MAP2K1: variants seen among roughly 807,000 people sequenced by gnomAD.
The protein encoded by MAP2K1 is mitogen-activated protein kinase kinase 1.
MAP2K1 carries 16 observed loss-of-function variants against 46.3 expected under a neutral mutation model. The ratio of observed to expected loss-of-function variants is 0.35; its 90% confidence interval spans 0.23 to 0.52. The LOEUF is 0.52. MAP2K1 is among the 20% of genes least tolerant of loss of function. The pLI is 0.94. For missense variants in MAP2K1, 263 were observed against 497.1 expected (o/e 0.53, Z 4.48); for synonymous variants, 183 against 185.6 (o/e 0.99, Z 0.11).
At chr15:66,446,636 C>T (rs1363974084) in intron 5 of MAP2K1, 1 of 377,384 alleles carries the variant, frequency 2.6e-6, no homozygotes, top group South Asian at 2.2e-5. Context: ...GCTTTGTATA[C>T]ATAAGCACAT....
At chr15:66,469,552 G>T (rs1331094918) in intron 5 of MAP2K1, among the ~76,000 whole-genome samples, 2 of 141,856 alleles carry the variant, frequency 1.4e-5, no homozygotes, top group African/African-American at 5.4e-5. Flanking sequence ...ATGCAGCAGA[G>T]GGTGCAAGAG....
chr15:66,404,700 A>G (rs1325033249), intron 1 of MAP2K1, among the ~76,000 whole-genome samples: 4 of 152,226 alleles, frequency 2.6e-5, no homozygotes, highest in African/African-American at 9.6e-5. Flanking sequence ...ACGTTGAACA[A>G]AGAATCAGCT....
chr15:66,472,531 G>A (rs1402219396), intron 5 of MAP2K1, among the ~76,000 whole-genome samples: 1 of 152,164 alleles, frequency 6.6e-6, no homozygotes. Flanking sequence ...CCGTGGCCAG[G>A]TGACAGGGAG....
chr15:66,437,448 C>G (rs1463484026), intron 3 of MAP2K1, among the ~76,000 whole-genome samples: 1 of 152,214 alleles, frequency 6.6e-6, no homozygotes, highest in African/African-American at 2.4e-5. Context: ...AGATATAAGT[C>G]TTCCAACACA....
chr15:66,413,127 C>A (rs2093415576), intron 1 of MAP2K1, among the ~76,000 whole-genome samples: 1 of 152,122 alleles, frequency 6.6e-6, no homozygotes, highest in Non-Finnish European at 1.5e-5. Context: ...AACTCCTGAC[C>A]TCAGGTGATC....
chr15:66,388,214 G>C lies in MAP2K1; in HGVS notation c.80+787G>C, dbSNP rs186587509. 5.3e-3 allele frequency among the ~76,000 whole-genome samples: 722 copies of C among 135,760 alleles called. 4 individuals are homozygous for C. Among genetic ancestry groups the C allele is most frequent in the South Asian group, 0.035 (159 of 4,568 alleles). The allele number at this position is 135,760 out of a possible 152,430, so 89.1% of individuals were successfully genotyped here. A position where few individuals can be genotyped will look rare whatever the true frequency, so the allele number is the denominator to read the frequency against. ...GCAGCTTCCAGCGTTGCTTACAAAC[G>C]AGCACTTTATTTCATTAAATAATCA... is the stretch of plus-strand genomic sequence containing the variant. On this transcript the variant is annotated intron_variant, in intron 1 of 10. Transcript: ENST00000307102.
At chr15:66,415,132 C>T (rs2093421652) in intron 1 of MAP2K1, 1 of 525,050 alleles carries the variant, frequency 1.9e-6, no homozygotes, top group Admixed American at 1.9e-5. Context: ...CATCAAGCTC[C>T]AGCTTGGCAG....
chr15:66,435,705 A>G lies in MAP2K1; in HGVS notation c.291+468A>G, dbSNP rs144723926. On this transcript the variant is annotated intron_variant, in intron 2 of 10. Transcript: ENST00000307102. ...CACTAATGACTGTGTTAGTGTATTA[A>G]TCCCCATCCCATCTGGAAAATAATA... 2.4e-3 allele frequency among the ~76,000 whole-genome samples: 358 copies of G among 152,306 alleles called. 1 individual carries two copies. The highest frequency in any genetic ancestry group is 0.01 in the Middle Eastern group (3 of 294).
At chr15:66,400,331 C>T (rs1311577702) in intron 1 of MAP2K1, among the ~76,000 whole-genome samples, 1 of 152,100 alleles carries the variant, frequency 6.6e-6, no homozygotes, top group Non-Finnish European at 1.5e-5. Flanking sequence ...GACACTTTCT[C>T]TTTTTTTCTT....
At chr15:66,473,132 C>T (rs2140653568) in intron 5 of MAP2K1, among the ~76,000 whole-genome samples, 1 of 152,272 alleles carries the variant, frequency 6.6e-6, no homozygotes, top group East Asian at 1.9e-4. Context: ...CATATCTGCT[C>T]CTCTGAGGTA....
chr15:66,398,762 T>C (rs2093374165), intron 1 of MAP2K1, among the ~76,000 whole-genome samples: 2 of 140,572 alleles, frequency 1.4e-5, no homozygotes, highest in African/African-American at 5.2e-5. Flanking sequence ...GAGTAGAGTA[T>C]TGCTAATTTT....
Position 66,443,334 on chromosome 15 carries a change from A to AT in MAP2K1, c.497dup (p.Leu166PhefsTer5). On this transcript the variant is annotated frameshift_variant, in exon 4 of 11. Coordinates refer to ENST00000307102, the MANE Select transcript of MAP2K1 (RefSeq NM_002755.4). LOFTEE classifies it high-confidence loss of function. ...GAAAGCTGGAAGAATTCCTGAACAA[A>AT]TTTTAGGAAAAGTTAGCATTGCTGT... 1 of 1,612,052 alleles carries AT rather than the reference A, an allele frequency of 6.2e-7. No homozygotes were observed. Among genetic ancestry groups the AT allele is most frequent in the Admixed American group, 1.7e-5 (1 of 59,992 alleles).
chr15:66,410,971 T>C (rs2093409937), intron 1 of MAP2K1, among the ~76,000 whole-genome samples: 1 of 152,194 alleles, frequency 6.6e-6, no homozygotes, highest in Non-Finnish European at 1.5e-5. Flanking sequence ...AAAAGTGGAA[T>C]GAATGAAAGC....
At chr15:66,411,576 G>T (rs1174241007) in intron 1 of MAP2K1, among the ~76,000 whole-genome samples, 2 of 152,084 alleles carry the variant, frequency 1.3e-5, no homozygotes, top group Non-Finnish European at 2.9e-5. Flanking sequence ...CAATAATATT[G>T]GTTTTGCTAT....
intron 5 of MAP2K1, among the ~76,000 whole-genome samples, chr15:66,461,311 G>A (rs1892313038): frequency 1.3e-5 from 2 of 151,858 alleles, no homozygotes; most frequent in African/African-American, 2.4e-5. Flanking sequence ...CCAACATGGC[G>A]AAACCCCAAC....
intron 5 of MAP2K1, among the ~76,000 whole-genome samples, chr15:66,458,393 A>G (rs919892673): frequency 6.6e-6 from 1 of 152,254 alleles, no homozygotes; most frequent in Non-Finnish European, 1.5e-5. Context: ...ATAAAGATCA[A>G]TAAATGTTAA....
At chr15:66,449,003 CAAA>C (rs59398424) in intron 5 of MAP2K1, among the ~76,000 whole-genome samples, 2 of 47,948 alleles carry the variant, frequency 4.2e-5, no homozygotes, top group African/African-American at 8.8e-5. Flanking sequence ...GACACTGTCT[CAAA>C]AAAAAAAAAA....
rs573070495 is a variant in MAP2K1, at chr15:66,404,604, A to G, written c.80+17177A>G. ...AGTAGTTCTAAAGCATTTCCAGTTA[A>G]AAAGGAAGGCGTAACATTTATTAGG... On this transcript the variant is annotated intron_variant, in intron 1 of 10. Transcript: ENST00000307102. Among the ~76,000 whole-genome samples, 7 of 152,318 alleles carry G rather than the reference A, an allele frequency of 4.6e-5. No individual in the cohort carries two copies. In the East Asian group the frequency reaches 1.3e-3, roughly 29 times the overall value.
chr15:66,387,458 G>A (rs1413986121), intron 1 of MAP2K1, 31 bp downstream of exon 1: 10 of 1,547,760 alleles, frequency 6.5e-6, no homozygotes, highest in Non-Finnish European at 7.9e-6. Flanking sequence ...GAACCTCGGG[G>A]CCCGGCTGGG....
Sources: gnomAD v4.1 joint callset for allele counts (sites outside exome capture counted in the v4.1 genomes callset) on GRCh38, gnomAD v4.1.1 for gene constraint, MANE v1.5 for transcripts, NCBI Gene and HGNC (gene_info 2026-07-23, HGNC 2026-07-21) for gene names.